MTRFR: variants seen among roughly 807,000 people sequenced by gnomAD.
MTRFR encodes the protein mitochondrial translation release factor in rescue.
MTRFR carries 10 observed loss-of-function variants against 11.9 expected under a neutral mutation model. The ratio of observed to expected loss-of-function variants is 0.84; its 90% CI spans 0.52 to 1.42. The LOEUF is 1.42. MTRFR is among the 40% of genes most tolerant of loss of function. MTRFR has a pLI of 0.00. For missense variants in MTRFR, 196 were observed against 197.9 expected, an observed-to-expected ratio of 0.99 and a Z score of 0.06; for synonymous variants, 77 against 79.1, an observed-to-expected ratio of 0.97 and a Z score of 0.14.
At chr12:123,243,873 C>T (rs1278123178) in intron 1 of MTRFR, 1 of 152,184 alleles carries the variant, frequency 6.6e-6, no homozygotes, top group East Asian at 1.9e-4. Context: ...CGCCTGATCC[C>T]ATGTCTCCAT....
intron 1 of MTRFR, among the ~76,000 whole-genome samples, chr12:123,252,882 G>A (rs1259482502): frequency 4.6e-5 from 7 of 152,032 alleles, no homozygotes; most frequent in Non-Finnish European, 7.4e-5. Context: ...CCAAGATCGC[G>A]CCATCGCACT....
At chr12:123,250,594 T>C (rs1483288977) in intron 1 of MTRFR, 1 of 152,246 alleles carries the variant, frequency 6.6e-6, no homozygotes, top group Admixed American at 6.5e-5. Context: ...TGTGGCTTCC[T>C]ATGAGCCAAA....
chr12:123,246,075 T>G (rs2048035498), intron 1 of MTRFR, among the ~76,000 whole-genome samples: 1 of 152,168 alleles, frequency 6.6e-6, no homozygotes, highest in Non-Finnish European at 1.5e-5. Flanking sequence ...TTTGTTTTGT[T>G]GTGAGACAGT....
At chr12:123,255,429 A>G (rs1442318068) in intron 2 of MTRFR, among the ~76,000 whole-genome samples, 1 of 152,166 alleles carries the variant, frequency 6.6e-6, no homozygotes. Context: ...ACTTGCTTTC[A>G]GAATTATTCT....
Position 123,257,238 on chromosome 12 carries a change from T to C in MTRFR, c.*207T>C. 1 of 541,570 alleles carries C rather than the reference T, an allele frequency of 1.8e-6. No individual in the cohort carries two copies. Among genetic ancestry groups the C allele is most frequent in the Non-Finnish European group, 3.3e-6 (1 of 304,284 alleles). The allele number at this position is 541,570 out of a possible 1,614,324, so 33.5% of individuals were successfully genotyped here. On this transcript the variant is annotated 3_prime_UTR_variant, in exon 3 of 3. Transcript: ENST00000253233. ...AAGAATAAAACTCGGCTGGGCACGGTGGACGGTGCCTCACATCTGTAATCC... is the reference window on the plus strand; with the variant it reads ...AAGAATAAAACTCGGCTGGGCACGGCGGACGGTGCCTCACATCTGTAATCC...
chr12:123,245,730 GC>G (rs2048029882), intron 1 of MTRFR, among the ~76,000 whole-genome samples: 1 of 152,132 alleles, frequency 6.6e-6, no homozygotes. Flanking sequence ...GTATAGAAAA[GC>G]TACTGATTTG....
chr12:123,244,563 GAGAT>G (rs1485324771), intron 1 of MTRFR, among the ~76,000 whole-genome samples: 1 of 152,182 alleles, frequency 6.6e-6, no homozygotes, highest in Non-Finnish European at 1.5e-5. Context: ...CTGGGTGACA[GAGAT>G]TTTACTACAA....
chr12:123,239,301 A>C lies in MTRFR; in HGVS notation c.-29+5770A>C, dbSNP rs561963694. On this transcript the variant is annotated intron_variant, in intron 1 of 2. Transcript: ENST00000253233. ...AAAACGTTGATCACGTGTGGAAATA[A>C]TAGTTTTGATATATTGGGTTAAATA... Among the ~76,000 whole-genome samples, 4 of 152,324 alleles carry C rather than the reference A, an allele frequency of 2.6e-5. No homozygotes were observed. The South Asian group carries it at 8.3e-4, about 32-fold the overall frequency.
intron 1 of MTRFR, among the ~76,000 whole-genome samples, chr12:123,251,830 A>G (rs992431537): frequency 6.6e-6 from 1 of 152,170 alleles, no homozygotes; most frequent in African/African-American, 2.4e-5. Flanking sequence ...TGAAGCTACA[A>G]TCTAGTCCTG....
At chr12:123,241,124 G>C (rs2047928333) in intron 1 of MTRFR, among the ~76,000 whole-genome samples, 1 of 151,276 alleles carries the variant, frequency 6.6e-6, no homozygotes, top group Non-Finnish European at 1.5e-5. Flanking sequence ...CCTACATCTA[G>C]GCTTTTATTT....
At chr12:123,249,673 G>A (rs574427451) in intron 1 of MTRFR, 1 of 152,564 alleles carries the variant, frequency 6.6e-6, no homozygotes, top group East Asian at 1.9e-4. Context: ...CTCCCCACAA[G>A]CGGAGGGAGC....
upstream of MTRFR, chr12:123,233,208 T>A (rs959453802): frequency 1.3e-5 from 2 of 152,072 alleles, no homozygotes; most frequent in East Asian, 1.9e-4. Flanking sequence ...CAGCCTCGCA[T>A]GGCGCGCGCG....
rs1439106065 is a variant in MTRFR at position 123,257,845 on chromosome 12, G to A, written c.*814G>A. The A allele has an allele frequency of 1.3e-5, 2 of 152,228 alleles. No homozygotes were observed. Among genetic ancestry groups the A allele is most frequent in the East Asian group, 1.9e-4 (1 of 5,202 alleles). 9.4% of individuals were successfully genotyped at this position (152,228 alleles called of 1,614,324 possible). A position where few individuals can be genotyped will look rare whatever the true frequency, so the allele number is the denominator to read the frequency against. On this transcript the variant is annotated 3_prime_UTR_variant, in exon 3 of 3. Transcript: ENST00000253233. ...TGACAAAGTTCTGTTTCTTCACCTG[G>A]GTGGTAGTTAGAAGGGTGTCCCCGT... is the stretch of plus-strand genomic sequence containing the variant.
intron 1 of MTRFR, among the ~76,000 whole-genome samples, chr12:123,239,952 G>A (rs983707727): frequency 6.6e-6 from 1 of 152,060 alleles, no homozygotes; most frequent in Non-Finnish European, 1.5e-5. Context: ...ATCTCATCAA[G>A]CAATGAACAG....
intron 1 of MTRFR, among the ~76,000 whole-genome samples, chr12:123,239,105 C>A (rs1364220630): frequency 1.3e-5 from 2 of 152,104 alleles, no homozygotes; most frequent in Non-Finnish European, 2.9e-5. Flanking sequence ...CCCGTCTCTA[C>A]AAAAAATCCA....
In MTRFR at chr12:123,257,151, A is replaced by C; in HGVS notation, c.*120A>C. On this transcript the variant is annotated 3_prime_UTR_variant, in exon 3 of 3. Transcript: ENST00000253233. ...AAAAGAAATATTTTTGATGAACTTA[A>C]AAGACAACAAATTTATTTAAATGGT... The C allele has an allele frequency of 2.4e-6, 2 of 818,398 alleles. No individual in the cohort carries two copies. 50.7% of individuals were successfully genotyped at this position (818,398 alleles called of 1,614,324 possible).
chr12:123,233,108 A>G (rs1269669279), upstream of MTRFR: 6 of 151,538 alleles, frequency 4.0e-5, no homozygotes, highest in Admixed American at 4.0e-4. Context: ...TGTCAGGGTC[A>G]TGCAAGCGGC....
chr12:123,246,709 ATTTTTTTTTTTTTTTTTTTT>A (rs1157677577), intron 1 of MTRFR, among the ~76,000 whole-genome samples: 11 of 53,454 alleles, frequency 2.1e-4, no homozygotes, highest in African/African-American at 9.4e-4. Context: ...TATAATTTCA[ATTTTTTTTTTTTTTTTTTTT>A]TTTTTTTTTT....
chr12:123,235,737 C>T (rs1457886923), intron 1 of MTRFR, among the ~76,000 whole-genome samples: 1 of 151,846 alleles, frequency 6.6e-6, no homozygotes, highest in African/African-American at 2.4e-5. Context: ...TACTCTTTCC[C>T]CCTTCTCTAC....
Sources: allele counts gnomAD v4.1 joint callset (sites outside exome capture counted in the v4.1 genomes callset), GRCh38; gene constraint gnomAD v4.1.1; transcripts MANE v1.5; gene names NCBI Gene and HGNC (gene_info 2026-07-23, HGNC 2026-07-21).